Variants in PTPN3 observed in about 807,000 individuals in gnomAD.
PTPN3 encodes the protein tyrosine-protein phosphatase non-receptor type 3.
Under a neutral mutation model 132.7 loss-of-function variants are expected in PTPN3, and 96 were observed. That is an observed-to-expected ratio of 0.72 (90% CI 0.61 to 0.86). PTPN3 has a LOEUF of 0.86. Ranked by LOEUF, PTPN3 falls within the 40% of genes least tolerant of loss-of-function variation. The pLI is 0.00. For missense variants in PTPN3, 1,125 were observed against 1,159.6 expected (o/e 0.97, Z 0.43); for synonymous variants, 398 against 429.0 (o/e 0.93, Z 0.89).
chr9:109,482,370 T>C (rs1388146204), intron 1 of PTPN3, among the ~76,000 whole-genome samples: 1 of 152,194 alleles, frequency 6.6e-6, no homozygotes, highest in African/African-American at 2.4e-5. Flanking sequence ...GTGATTAGAA[T>C]ATTAAGAGGC....
intron 1 of PTPN3, among the ~76,000 whole-genome samples, chr9:109,473,840 G>A (rs1846501316): frequency 1.3e-5 from 2 of 151,964 alleles, no homozygotes; most frequent in Admixed American, 1.3e-4. Flanking sequence ...CCCTTCCACA[G>A]GTGACCACTC....
chr9:109,379,358 T>C lies in PTPN3; in HGVS notation c.*198A>G, dbSNP rs150282450. 1.3e-3 allele frequency: 759 copies of C among 584,152 alleles called. 3 individuals carry two copies. Among genetic ancestry groups the C allele is most frequent in the African/African-American group, 0.013 (684 of 53,406 alleles). 36.2% of individuals were successfully genotyped at this position (584,152 alleles called of 1,614,324 possible). ...TCCATAGAAATACAGGCCTAAATGATGCCATAATTGCATGCTTATCTACAC... is the reference window on the plus strand; with the variant it reads ...TCCATAGAAATACAGGCCTAAATGACGCCATAATTGCATGCTTATCTACAC... On this transcript the variant is annotated 3_prime_UTR_variant, in exon 26 of 26. Coordinates refer to ENST00000374541, the MANE Select transcript of PTPN3 (RefSeq NM_002829.4).
chr9:109,486,600 A>G (rs1041827386), intron 1 of PTPN3, among the ~76,000 whole-genome samples: 1 of 152,144 alleles, frequency 6.6e-6, no homozygotes, highest in Non-Finnish European at 1.5e-5. Context: ...TTAAGAAAGA[A>G]GGTGATGAGC....
At chr9:109,524,192 T>A in the PTPN3 span, among the ~76,000 whole-genome samples, 1 of 152,064 alleles carries the variant, frequency 6.6e-6, no homozygotes, top group Non-Finnish European at 1.5e-5. Context: ...TACAGTGAGC[T>A]ATGATCGTAT....
chr9:109,449,115 C>T, intron 5 of PTPN3: 1 of 1,288,096 alleles, frequency 7.8e-7, no homozygotes, highest in South Asian at 1.9e-5. Flanking sequence ...AAGAGCTGAG[C>T]AGGGATGAAT....
At chr9:109,400,263 T>C (rs1840976072) in intron 19 of PTPN3, among the ~76,000 whole-genome samples, 1 of 152,248 alleles carries the variant, frequency 6.6e-6, no homozygotes, top group Non-Finnish European at 1.5e-5. Context: ...GGGCATGTTC[T>C]ACAGACTCTT....
chr9:109,483,727 A>G (rs1258725589), intron 1 of PTPN3, among the ~76,000 whole-genome samples: 1 of 152,088 alleles, frequency 6.6e-6, no homozygotes, highest in Non-Finnish European at 1.5e-5. Flanking sequence ...TCTGATTCCA[A>G]CAGAACCCGA....
chr9:109,489,108 T>C (rs1443489224), intron 1 of PTPN3, among the ~76,000 whole-genome samples: 2 of 152,204 alleles, frequency 1.3e-5, no homozygotes, highest in Non-Finnish European at 2.9e-5. Flanking sequence ...GGCTCTTAAA[T>C]TCTATTAGAA....
the PTPN3 span, among the ~76,000 whole-genome samples, chr9:109,528,484 G>A: frequency 1.3e-5 from 2 of 152,314 alleles, no homozygotes; most frequent in Admixed American, 6.5e-5. Context: ...AAGTGTACAC[G>A]ATCTCTGATT....
chr9:109,457,924 C>A (rs1845649421), intron 2 of PTPN3, among the ~76,000 whole-genome samples: 1 of 152,234 alleles, frequency 6.6e-6, no homozygotes, highest in Admixed American at 6.5e-5. Context: ...GTGGCCTGTG[C>A]CACCCTGTGG....
intron 1 of PTPN3, among the ~76,000 whole-genome samples, chr9:109,468,778 G>A (rs1329208485): frequency 6.6e-6 from 1 of 152,238 alleles, no homozygotes; most frequent in African/African-American, 2.4e-5. Flanking sequence ...AGTTGCACAT[G>A]GAAAGTGCCT....
At chr9:109,457,101 G>T (rs1384811051) in intron 4 of PTPN3, 72 bp downstream of exon 4, 4 of 1,503,204 alleles carry the variant, frequency 2.7e-6, no homozygotes, top group South Asian at 2.3e-5. Flanking sequence ...AGGCACTGAC[G>T]ATTGGAGGGG....
the PTPN3 span, among the ~76,000 whole-genome samples, chr9:109,525,948 G>A: frequency 6.6e-6 from 1 of 152,170 alleles, no homozygotes; most frequent in Non-Finnish European, 1.5e-5. Context: ...CTTATTTACA[G>A]ATTATATGTT....
chr9:109,471,957 T>C (rs552345401), intron 1 of PTPN3, among the ~76,000 whole-genome samples: 23 of 152,192 alleles, frequency 1.5e-4, no homozygotes, highest in South Asian at 4.1e-4. Flanking sequence ...CTTTGTTAGG[T>C]GGGCATCCTT....
At position 109,379,266 on chromosome 9, in the gene PTPN3, T is replaced by G; in HGVS notation, c.*290A>C. On this transcript the variant is annotated 3_prime_UTR_variant, in exon 26 of 26. Transcript: ENST00000374541. ...AATTGCTCCAGGATGCCGACAGGGGTGTGTGTGGTGATGTTAGGGAAGAAG... is the reference window on the plus strand; with the variant it reads ...AATTGCTCCAGGATGCCGACAGGGGGGTGTGTGGTGATGTTAGGGAAGAAG... The G allele has an allele frequency of 2.9e-6, 1 of 344,662 alleles. No individual in the cohort carries two copies. The highest frequency in any genetic ancestry group is 4.8e-5 in the South Asian group (1 of 20,902). The allele number at this position is 344,662 out of a possible 1,614,324, so 21.4% of individuals were successfully genotyped here.
intron 23 of PTPN3, among the ~76,000 whole-genome samples, chr9:109,382,922 C>T (rs1375148659): frequency 1.3e-5 from 2 of 152,150 alleles, no homozygotes; most frequent in African/African-American, 4.8e-5. Context: ...AAACCCTGCA[C>T]CCATTATGCC....
upstream of PTPN3, among the ~76,000 whole-genome samples, chr9:109,498,771 C>A (rs868073742): frequency 1.1e-4 from 17 of 152,314 alleles, no homozygotes; most frequent in Middle Eastern, 0.01. The surrounding 1 kb of genome is among the most constrained non-coding windows in gnomAD (Gnocchi z 4.2). Context: ...TGCTTCCCAC[C>A]TCCGTCTCAT....
intron 1 of PTPN3, among the ~76,000 whole-genome samples, chr9:109,473,444 T>C (rs1846477638): frequency 6.6e-6 from 1 of 152,214 alleles, no homozygotes; most frequent in Non-Finnish European, 1.5e-5. Flanking sequence ...TTCGACACCA[T>C]GACACTTGCA....
intron 19 of PTPN3, among the ~76,000 whole-genome samples, chr9:109,400,489 T>C (rs1840999305): frequency 6.6e-6 from 1 of 152,350 alleles, no homozygotes; most frequent in Non-Finnish European, 1.5e-5. Flanking sequence ...AAAATCTGTC[T>C]GGCTCCGTGT....
Sources: allele counts gnomAD v4.1 joint callset (sites outside exome capture counted in the v4.1 genomes callset), GRCh38; gene constraint gnomAD v4.1.1; non-coding constraint Gnocchi (gnomAD v3.1); transcripts MANE v1.5; gene names NCBI Gene and HGNC (gene_info 2026-07-23, HGNC 2026-07-21).